The following CCSER1 variants were observed in gnomAD, a reference collection of about 807,000 sequenced individuals.
The protein encoded by CCSER1 is serine-rich coiled-coil domain-containing protein 1.
Under a neutral mutation model 82.0 loss-of-function variants are expected in CCSER1, and 41 were observed. The observed-to-expected ratio is 0.50, with a 90% CI of 0.39 to 0.65. The LOEUF (loss-of-function observed/expected upper bound fraction) is 0.65. CCSER1 is among the 30% of genes least tolerant of loss of function. The pLI, the probability that CCSER1 is intolerant of heterozygous loss-of-function variation, is 0.00. For synonymous variants in CCSER1, 414 were observed against 383.9 expected (o/e 1.08, Z -0.92); for missense variants, 1,119 against 1,064.2 (o/e 1.05, Z -0.72).
intron 1 of CCSER1, among the ~76,000 whole-genome samples, chr4:90,143,370 A>G (rs1208109710): frequency 3.3e-5 from 5 of 151,998 alleles, no homozygotes; most frequent in Admixed American, 2.6e-4. Context: ...CTGCAATTTT[A>G]TAATCATTTG....
intron 9 of CCSER1, among the ~76,000 whole-genome samples, chr4:91,066,480 C>A (rs753727838): frequency 1.7e-4 from 26 of 152,144 alleles, no homozygotes; most frequent in Non-Finnish European, 2.9e-4. Flanking sequence ...CAGTAAAGGG[C>A]AAACTGAAAA....
At chr4:91,559,681 T>C (rs140159481) in intron 10 of CCSER1, among the ~76,000 whole-genome samples, 42 of 150,880 alleles carry the variant, frequency 2.8e-4, no homozygotes, top group African/African-American at 1.0e-3. Flanking sequence ...AGAAAATTTG[T>C]GAGTAAATTA....
intron 10 of CCSER1, among the ~76,000 whole-genome samples, chr4:91,295,078 C>T (rs1014438976): frequency 6.6e-6 from 1 of 152,106 alleles, no homozygotes; most frequent in South Asian, 2.1e-4. Flanking sequence ...TGCTTGCTTA[C>T]ACAGTAGTGG....
chr4:91,042,242 G>T (rs1742022492), intron 9 of CCSER1, among the ~76,000 whole-genome samples: 1 of 152,228 alleles, frequency 6.6e-6, no homozygotes, highest in South Asian at 2.1e-4. Context: ...CACGAGGTCT[G>T]TTGGCTTTAT....
chr4:90,553,426 C>T (rs1777760486), intron 5 of CCSER1, among the ~76,000 whole-genome samples: 1 of 152,152 alleles, frequency 6.6e-6, no homozygotes, highest in African/African-American at 2.4e-5. Context: ...GAAGTAAAAG[C>T]AGAAAAACTG....
intron 8 of CCSER1, among the ~76,000 whole-genome samples, chr4:90,851,564 C>A (rs909426874): frequency 7.0e-6 from 1 of 143,208 alleles, no homozygotes; most frequent in Admixed American, 7.0e-5. Flanking sequence ...TTATTGGCTA[C>A]TTATAGAGCT....
chr4:90,471,990 A>G (rs564053900), intron 5 of CCSER1, among the ~76,000 whole-genome samples: 6 of 152,126 alleles, frequency 3.9e-5, no homozygotes, highest in African/African-American at 1.4e-4. Context: ...AAAAAAAAAT[A>G]GTAGACATAA....
intron 10 of CCSER1, among the ~76,000 whole-genome samples, chr4:91,398,115 T>C (rs1023518196): frequency 6.6e-6 from 1 of 152,036 alleles, no homozygotes; most frequent in African/African-American, 2.4e-5. Context: ...ATCATGATTA[T>C]AATAGTTATT....
At chr4:90,381,258 A>G (rs955598159) in intron 3 of CCSER1, among the ~76,000 whole-genome samples, 1 of 152,224 alleles carries the variant, frequency 6.6e-6, no homozygotes, top group Non-Finnish European at 1.5e-5. Flanking sequence ...CCTTCATTTT[A>G]ACATCCTGAA....
chr4:90,963,441 C>A (rs533917246), intron 9 of CCSER1, among the ~76,000 whole-genome samples: 1 of 151,038 alleles, frequency 6.6e-6, no homozygotes, highest in Admixed American at 6.6e-5. Flanking sequence ...GATTTGTGTC[C>A]CCAAAATTCA....
chr4:90,344,352 TCTC>T (rs1741949140), intron 3 of CCSER1, among the ~76,000 whole-genome samples: 1 of 152,192 alleles, frequency 6.6e-6, no homozygotes, highest in Admixed American at 6.5e-5. Flanking sequence ...AACTTAGTCT[TCTC>T]CTAAAGTGCT....
At chr4:90,376,307 C>G (rs1748305914) in intron 3 of CCSER1, among the ~76,000 whole-genome samples, 1 of 152,152 alleles carries the variant, frequency 6.6e-6, no homozygotes, top group Non-Finnish European at 1.5e-5. Context: ...CAACATTTCT[C>G]CTTGTCTTCA....
At chr4:90,955,345 C>T (rs1733327849) in intron 9 of CCSER1, among the ~76,000 whole-genome samples, 1 of 152,056 alleles carries the variant, frequency 6.6e-6, no homozygotes, top group African/African-American at 2.4e-5. Context: ...GAAAACTAGT[C>T]CTAAGAGGCT....
intron 3 of CCSER1, among the ~76,000 whole-genome samples, chr4:90,399,042 A>C (rs1752424157): frequency 1.3e-5 from 2 of 152,110 alleles, no homozygotes; most frequent in African/African-American, 2.4e-5. Flanking sequence ...ATGGCATGCC[A>C]CCATTTAGTA....
At chr4:91,000,320 T>G (rs1260846610) in intron 9 of CCSER1, among the ~76,000 whole-genome samples, 2 of 151,836 alleles carry the variant, frequency 1.3e-5, no homozygotes, top group Non-Finnish European at 2.9e-5. Context: ...ATAAGCTAAT[T>G]TGTAGCCTTG....
At chr4:90,809,886 T>C (rs886765361) in intron 7 of CCSER1, among the ~76,000 whole-genome samples, 35 of 136,662 alleles carry the variant, frequency 2.6e-4, no homozygotes, top group African/African-American at 1.0e-3. Flanking sequence ...AGTGATACCC[T>C]GTCTCTAAAT....
intron 3 of CCSER1, among the ~76,000 whole-genome samples, chr4:90,347,072 T>C (rs1742476447): frequency 6.6e-6 from 1 of 152,154 alleles, no homozygotes; most frequent in South Asian, 2.1e-4. Flanking sequence ...GAAATAAGGT[T>C]ATTTTGTTTG....
intron 5 of CCSER1, among the ~76,000 whole-genome samples, chr4:90,507,659 A>G (rs534672766): frequency 2.0e-5 from 3 of 152,226 alleles, no homozygotes; most frequent in East Asian, 3.9e-4. Flanking sequence ...AAAGAGATAA[A>G]GGTATGATTT....
intron 3 of CCSER1, among the ~76,000 whole-genome samples, chr4:90,328,539 C>G (rs180991582): frequency 2.6e-4 from 39 of 152,306 alleles, no homozygotes; most frequent in African/African-American, 9.1e-4. Flanking sequence ...ATTTTCTACT[C>G]TCACTGCTAT....
Sources: gnomAD v4.1 joint callset for allele counts (sites outside exome capture counted in the v4.1 genomes callset) on GRCh38, gnomAD v4.1.1 for gene constraint, MANE v1.5 for transcripts, NCBI Gene and HGNC (gene_info 2026-07-23, HGNC 2026-07-21) for gene names.